Variants in SATB2 observed in about 807,000 individuals in gnomAD.
SATB2 encodes DNA-binding protein SATB2.
SATB2 carries 1 observed loss-of-function variant against 73.4 expected under a neutral mutation model. The ratio of observed to expected loss-of-function variants is 0.01; its 90% CI spans 0.00 to 0.06. The LOEUF (loss-of-function observed/expected upper bound fraction) is 0.06. SATB2 is among the 10% of genes least tolerant of loss of function. The pLI is 1.00. For missense variants in SATB2, 459 were observed against 945.8 expected (o/e 0.49, Z 6.75); for synonymous variants, 397 against 367.0 (o/e 1.08, Z -0.93).
chr2:199,462,619 G>A (rs1242406967), upstream of SATB2, among the ~76,000 whole-genome samples: 4 of 152,172 alleles, frequency 2.6e-5, no homozygotes, highest in African/African-American at 9.6e-5. The surrounding 1 kb of genome is among the most constrained non-coding windows in gnomAD (Gnocchi z 5.9). Flanking sequence ...CCCGCGCCAG[G>A]CAAAGATAAA....
intron 9 of SATB2, among the ~76,000 whole-genome samples, chr2:199,321,271 G>A (rs187317296): frequency 2.0e-5 from 3 of 151,466 alleles, no homozygotes; most frequent in Admixed American, 2.0e-4. Context: ...TATCCATAAG[G>A]TGTATGTATG....
rs574377490 is a variant in SATB2 at position 199,342,037 on chromosome 2, C to T, written c.1173+6664G>A. Among the ~76,000 whole-genome samples the T allele has an allele frequency of 7.2e-5, 11 of 152,296 alleles. No individual in the cohort carries two copies. The East Asian group carries it at 2.1e-3, about 29-fold the overall frequency. On this transcript the variant is annotated intron_variant, in intron 7 of 10. Coordinates refer to ENST00000417098, the MANE Select transcript of SATB2 (RefSeq NM_001172509.2). The stretch of plus-strand genomic sequence containing the variant: ...TGCCCTGTTGTCATCCTCCTGTACC[C>T]ATCAGATGGTGGTAAGCATTTCCAA...
chr2:199,459,667 C>G (rs1404996993), upstream of SATB2: 3 of 152,810 alleles, frequency 2.0e-5, no homozygotes, highest in African/African-American at 7.2e-5. This position sits in a 1 kb window ranked among gnomAD's most constrained non-coding sequence, Gnocchi z 4.2. Flanking sequence ...TCCCACATCT[C>G]CCGCAGCAAG....
chr2:199,272,052 C>G lies in SATB2; in HGVS notation c.*159G>C. ...TGTATCCTGTGCAACAAAGAAATGT[C>G]CAAAAGGGTAAGAAAAACAAAACAG... On this transcript the variant is annotated 3_prime_UTR_variant, in exon 11 of 11. Transcript: ENST00000417098. This position sits in a 1 kb window ranked among gnomAD's most constrained non-coding sequence, Gnocchi z 6.7. 2 of 715,036 alleles carry G rather than the reference C, an allele frequency of 2.8e-6. No individual in the cohort carries two copies. The highest frequency in any genetic ancestry group is 4.9e-6 in the Non-Finnish European group (2 of 409,946). 44.3% of individuals were successfully genotyped at this position (715,036 alleles called of 1,614,324 possible).
Position 199,455,433 on chromosome 2 carries a change from A to G in SATB2, c.169+436T>C, listed in dbSNP as rs1056184990. 2.6e-5 allele frequency among the ~76,000 whole-genome samples: 4 copies of G among 152,194 alleles called. No individual in the cohort carries two copies. The highest frequency in any genetic ancestry group is 9.7e-5 in the African/African-American group (4 of 41,440). On this transcript the variant is annotated intron_variant, in intron 2 of 10. Transcript: ENST00000417098. This position sits in a 1 kb window ranked among gnomAD's most constrained non-coding sequence, Gnocchi z 4.1. ...TCTGTCTTGAAGCACTGTCCTCACTACAAAGTAACATCAACTCTCCTTGTT... is the reference window on the plus strand; with the variant it reads ...TCTGTCTTGAAGCACTGTCCTCACTGCAAAGTAACATCAACTCTCCTTGTT...
rs775625672 is a variant in SATB2, at chr2:199,455,532, A to T, written c.169+337T>A. 2.0e-5 allele frequency among the ~76,000 whole-genome samples: 3 copies of T among 152,236 alleles called. No homozygotes were observed. Among genetic ancestry groups the T allele is most frequent in the Non-Finnish European group, 1.5e-5 (1 of 68,044 alleles). ...CGCACGTGAACTTCATCCCTACAACAGACACTCCGAGGCAAGGCAAAAGAG... is the reference window on the plus strand; with the variant it reads ...CGCACGTGAACTTCATCCCTACAACTGACACTCCGAGGCAAGGCAAAAGAG... On this transcript the variant is annotated intron_variant, in intron 2 of 10. Coordinates refer to ENST00000417098, the MANE Select transcript of SATB2 (RefSeq NM_001172509.2). This position sits in a 1 kb window ranked among gnomAD's most constrained non-coding sequence, Gnocchi z 4.1.
chr2:199,315,285 A>C (rs2105778349), intron 9 of SATB2, among the ~76,000 whole-genome samples: 1 of 152,184 alleles, frequency 6.6e-6, no homozygotes, highest in East Asian at 1.9e-4. Context: ...CACTTATAAA[A>C]TATTTTAAAA....
At chr2:199,313,305 T>C (rs114237378) in intron 9 of SATB2, among the ~76,000 whole-genome samples, 124 of 152,312 alleles carry the variant, frequency 8.1e-4, no homozygotes, top group South Asian at 5.2e-3. Flanking sequence ...CTGGAACTTA[T>C]AGAGAAAAAT....
At chr2:199,296,495 A>G (rs1291512760) in intron 10 of SATB2, among the ~76,000 whole-genome samples, 1 of 152,164 alleles carries the variant, frequency 6.6e-6, no homozygotes, top group East Asian at 1.9e-4. Flanking sequence ...GTTCGAGACT[A>G]GCCTGGGCAA....
intron 9 of SATB2, among the ~76,000 whole-genome samples, chr2:199,311,596 C>T (rs1048745505): frequency 1.3e-5 from 2 of 152,118 alleles, no homozygotes; most frequent in Admixed American, 1.3e-4. Context: ...CCGTTATTCC[C>T]TCCTACGGGC....
intron 9 of SATB2, among the ~76,000 whole-genome samples, chr2:199,314,358 G>T (rs1687673422): frequency 6.6e-6 from 1 of 151,332 alleles, no homozygotes; most frequent in South Asian, 2.1e-4. Flanking sequence ...TATTGTTTGA[G>T]AGAAGCACCA....
upstream of SATB2, among the ~76,000 whole-genome samples, chr2:199,459,053 C>T (rs1052640463): frequency 1.3e-5 from 2 of 152,046 alleles, no homozygotes. This position sits in a 1 kb window ranked among gnomAD's most constrained non-coding sequence, Gnocchi z 4.2. Flanking sequence ...ATCGCTGGAG[C>T]GCTCGCCGCT....
intron 3 of SATB2, among the ~76,000 whole-genome samples, chr2:199,399,187 G>T (rs1282033431): frequency 6.6e-6 from 1 of 152,174 alleles, no homozygotes; most frequent in Non-Finnish European, 1.5e-5. Context: ...TGGGAGGGTG[G>T]CCTGAGCCCG....
chr2:199,391,881 T>A (rs1289321257), intron 3 of SATB2, among the ~76,000 whole-genome samples: 2 of 152,210 alleles, frequency 1.3e-5, no homozygotes, highest in South Asian at 4.1e-4. Flanking sequence ...AGTTAGAGGC[T>A]ATTCCCCTTG....
chr2:199,356,430 G>T (rs376463842), intron 6 of SATB2, among the ~76,000 whole-genome samples: 124 of 152,086 alleles, frequency 8.2e-4, no homozygotes, highest in African/African-American at 2.9e-3. Context: ...ACAGAAAAAA[G>T]ATACTCGAGC....
At chr2:199,462,641 T>C (rs1389157088), upstream of SATB2, among the ~76,000 whole-genome samples, 1 of 151,808 alleles carries the variant, frequency 6.6e-6, no homozygotes. This position sits in a 1 kb window ranked among gnomAD's most constrained non-coding sequence, Gnocchi z 5.9. Flanking sequence ...GACTCCTGGC[T>C]CCCCCGGCAG....
chr2:199,448,599 T>C (rs1425826769), intron 2 of SATB2, among the ~76,000 whole-genome samples: 1 of 152,158 alleles, frequency 6.6e-6, no homozygotes, highest in Non-Finnish European at 1.5e-5. Flanking sequence ...TTGGAAAACA[T>C]TTGCTCTAAC....
intron 3 of SATB2, among the ~76,000 whole-genome samples, chr2:199,383,054 G>C (rs1056681196): frequency 6.6e-6 from 1 of 152,134 alleles, no homozygotes; most frequent in South Asian, 2.1e-4. Context: ...CGCAATGCTT[G>C]ACATAATGCT....
chr2:199,359,349 C>T (rs1001468302), intron 6 of SATB2, among the ~76,000 whole-genome samples: 3 of 152,150 alleles, frequency 2.0e-5, no homozygotes, highest in African/African-American at 4.8e-5. Flanking sequence ...CTAATTCGTA[C>T]TTTATAAAGG....
Sources: allele counts gnomAD v4.1 joint callset (sites outside exome capture counted in the v4.1 genomes callset), GRCh38; gene constraint gnomAD v4.1.1; non-coding constraint Gnocchi (gnomAD v3.1); transcripts MANE v1.5; gene names NCBI Gene and HGNC (gene_info 2026-07-23, HGNC 2026-07-21).